ZNF326: variants seen among roughly 807,000 people sequenced by gnomAD.
The protein encoded by ZNF326 is DBIRD complex subunit ZNF326.
ZNF326 carries 30 observed loss-of-function variants against 63.1 expected under a neutral mutation model. The ratio of observed to expected loss-of-function variants is 0.48; its 90% CI spans 0.36 to 0.64. The LOEUF (loss-of-function observed/expected upper bound fraction) is 0.64, where lower values mean the gene tolerates loss of function less well. ZNF326 is among the 30% of genes least tolerant of loss of function. The pLI, the probability that ZNF326 is intolerant of heterozygous loss-of-function variation, is 0.00. For synonymous variants in ZNF326, 194 were observed against 228.2 expected (o/e 0.85, Z 1.35); for missense variants, 609 against 720.3 (o/e 0.85, Z 1.77).
Position 90,005,192 on chromosome 1 carries a change from C to G in ZNF326, c.157C>G (p.Leu53Val), listed in dbSNP as rs1648923362. Residue 53 changes from leucine to valine, a missense_variant, in exon 4 of 12, where the codon CTA becomes GTA. Physicochemically the swap from Leu to Val is conservative, Grantham distance 32. Coordinates refer to ENST00000340281, the MANE Select transcript of ZNF326 (RefSeq NM_182976.4). The stretch of plus-strand genomic sequence containing the variant: ...GGGTCAGAGATCCATGGATTCCTAC[C>G]TAAACCAGTCATATGGCATGGACAA... Reference protein sequence around the residue: ...YGGQRSMDSYLNQSYGMDNHS... With the variant: ...YGGQRSMDSYVNQSYGMDNHS... 1.9e-6 allele frequency: 3 copies of G among 1,613,972 alleles called. No individual in the cohort carries two copies. The highest frequency in any genetic ancestry group is 2.5e-6 in the Non-Finnish European group (3 of 1,179,964).
rs999694999 is a variant in ZNF326 at position 90,034,736 on chromosome 1, T to G, written c.*7035T>G. 1 of 152,170 alleles carries G rather than the reference T, an allele frequency of 6.6e-6. No individual in the cohort carries two copies. Among genetic ancestry groups the G allele is most frequent in the Non-Finnish European group, 1.5e-5 (1 of 68,008 alleles). 9.4% of individuals were successfully genotyped at this position (152,170 alleles called of 1,614,324 possible). A position where few individuals can be genotyped will look rare whatever the true frequency, so the allele number is the denominator to read the frequency against. On this transcript the variant is annotated 3_prime_UTR_variant, in exon 12 of 12. Coordinates refer to ENST00000340281, the MANE Select transcript of ZNF326 (RefSeq NM_182976.4). ...TTATTTTATTTAAGCAGTTCTAGAT[T>G]ATACAAAATGTTGAAACATCTCAAT... is the stretch of plus-strand genomic sequence containing the variant.
intron 4 of ZNF326, chr1:90,005,916 T>G: frequency 1.0e-6 from 1 of 985,452 alleles, no homozygotes; most frequent in Non-Finnish European, 1.2e-6. Context: ...CTGTTACTAC[T>G]GTATAAAGCT....
intron 2 of ZNF326, among the ~76,000 whole-genome samples, chr1:90,000,597 C>T (rs1648629317): frequency 6.6e-6 from 1 of 152,068 alleles, no homozygotes; most frequent in South Asian, 2.1e-4. Context: ...TCCAGTTACT[C>T]CAGAGGCTGA....
At position 90,030,441 on chromosome 1, in the gene ZNF326, A is replaced by C. The variant is rs1287532758; in HGVS notation, c.*2740A>C. The C allele has an allele frequency of 6.6e-6, 1 of 151,686 alleles. No individual in the cohort carries two copies. The highest frequency in any genetic ancestry group is 1.5e-5 in the Non-Finnish European group (1 of 67,984). 9.4% of individuals were successfully genotyped at this position (151,686 alleles called of 1,614,324 possible). On this transcript the variant is annotated 3_prime_UTR_variant, in exon 12 of 12. Coordinates refer to ENST00000340281, the MANE Select transcript of ZNF326 (RefSeq NM_182976.4). ...ATCATATACCATTCTTACCAGCCAT[A>C]ATGGCCTTTTGTTACTTTTTTGATG...
chr1:90,026,499 T>C (rs1650022938), intron 11 of ZNF326, among the ~76,000 whole-genome samples: 1 of 152,212 alleles, frequency 6.6e-6, no homozygotes. Flanking sequence ...TCTGAAGTTA[T>C]AATTATATAT....
At chr1:89,995,547 G>T (rs886454226) in intron 1 of ZNF326, among the ~76,000 whole-genome samples, 2 of 152,282 alleles carry the variant, frequency 1.3e-5, no homozygotes, top group African/African-American at 2.4e-5. Flanking sequence ...TGGAGCCCCA[G>T]ACTCGCCTTG....
At chr1:90,017,640 T>C (rs1649566457) in intron 8 of ZNF326, among the ~76,000 whole-genome samples, 176 bp downstream of exon 8, 1 of 152,232 alleles carries the variant, frequency 6.6e-6, no homozygotes, top group Admixed American at 6.5e-5. Flanking sequence ...ATAATAGAAT[T>C]TGTATTTGTT....
intron 10 of ZNF326, among the ~76,000 whole-genome samples, chr1:90,021,493 T>C (rs1025972217): frequency 1.3e-5 from 2 of 152,148 alleles, no homozygotes; most frequent in Non-Finnish European, 2.9e-5. Flanking sequence ...TTACATTTTT[T>C]AGTAGAATAT....
intron 11 of ZNF326, among the ~76,000 whole-genome samples, chr1:90,023,281 G>A (rs1051161944): frequency 4.6e-5 from 7 of 152,158 alleles, no homozygotes; most frequent in African/African-American, 1.4e-4. Context: ...CTACACTGAA[G>A]AGAGCTGTTG....
chr1:89,995,315 CG>C lies in ZNF326; in HGVS notation c.16+46del, dbSNP rs761034028. On this transcript the variant is annotated intron_variant, in intron 1 of 11. Coordinates refer to ENST00000340281, the MANE Select transcript of ZNF326 (RefSeq NM_182976.4). ...GCTGGTCGGCGCAGCTGGCAGGAGG[CG>C]GGGTGGCCTACGCAGGGGGTCTGTT... The C allele has an allele frequency of 2.0e-6, 3 of 1,532,900 alleles. No homozygotes were observed. The South Asian group carries it at 3.6e-5, about 19-fold the overall frequency. 95.0% of individuals were successfully genotyped at this position (1,532,900 alleles called of 1,614,324 possible). A position where few individuals can be genotyped will look rare whatever the true frequency, so the allele number is the denominator to read the frequency against.
At position 90,031,368 on chromosome 1, in the gene ZNF326, G is replaced by T. The variant is rs1329882087; in HGVS notation, c.*3667G>T. 6.6e-6 allele frequency: 1 copy of T among 152,164 alleles called. No homozygotes were observed. The highest frequency in any genetic ancestry group is 2.4e-5 in the African/African-American group (1 of 41,442). The allele number at this position is 152,164 out of a possible 1,614,324, so 9.4% of individuals were successfully genotyped here. A position where few individuals can be genotyped will look rare whatever the true frequency, so the allele number is the denominator to read the frequency against. ...TTAAGAACTCTGTTTTTGTTGGCAA[G>T]ATTGTTCTTATTGTAGAAGTGGATA... is the stretch of plus-strand genomic sequence containing the variant. On this transcript the variant is annotated 3_prime_UTR_variant, in exon 12 of 12. Transcript: ENST00000340281.
chr1:90,024,622 AT>A (rs1649926515), intron 11 of ZNF326, among the ~76,000 whole-genome samples: 4 of 151,972 alleles, frequency 2.6e-5, no homozygotes, highest in Non-Finnish European at 5.9e-5. Flanking sequence ...TTTCTTATAT[AT>A]ATATATTTTA....
At chr1:89,999,895 G>A (rs1402894208) in intron 2 of ZNF326, among the ~76,000 whole-genome samples, 1 of 152,192 alleles carries the variant, frequency 6.6e-6, no homozygotes, top group Non-Finnish European at 1.5e-5. Flanking sequence ...AAATATTCCT[G>A]CCTTTGTGAG....
At chr1:90,014,598 G>GT (rs1400104857) in intron 7 of ZNF326, among the ~76,000 whole-genome samples, 2 of 152,300 alleles carry the variant, frequency 1.3e-5, no homozygotes, top group Non-Finnish European at 2.9e-5. Context: ...CAATTTAGCA[G>GT]TTTTTTAAAA....
In ZNF326 at chr1:90,030,633, C is replaced by T. The variant is rs1281568860; in HGVS notation, c.*2932C>T. The T allele has an allele frequency of 1.3e-5, 2 of 151,338 alleles. No homozygotes were observed. The highest frequency in any genetic ancestry group is 4.9e-5 in the African/African-American group (2 of 41,226). The allele number at this position is 151,338 out of a possible 1,614,324, so 9.4% of individuals were successfully genotyped here. ...TTTGGGGGTACCAACCTAGATTTTA[C>T]TAGAGCATATTCTTTGGAGGTGTTC... On this transcript the variant is annotated 3_prime_UTR_variant, in exon 12 of 12. Transcript: ENST00000340281.
Position 90,020,774 on chromosome 1 carries a change from ATTG to A in ZNF326, c.1175-17_1175-15del. ...TAACATATGAATTATTTCTTTAATA[ATTG>A]GATGTCTTTTGTAGGTGTTACTGTA... On this transcript the variant is annotated splice_polypyrimidine_tract_variant and intron_variant, in intron 9 of 11. Coordinates refer to ENST00000340281, the MANE Select transcript of ZNF326 (RefSeq NM_182976.4). The A allele has an allele frequency of 6.3e-7, 1 of 1,589,920 alleles. No individual in the cohort carries two copies. The highest frequency in any genetic ancestry group is 8.5e-7 in the Non-Finnish European group (1 of 1,169,864).
In ZNF326 at chr1:90,032,821, A is replaced by G. The variant is rs542602293; in HGVS notation, c.*5120A>G. On this transcript the variant is annotated 3_prime_UTR_variant, in exon 12 of 12. Transcript: ENST00000340281. The stretch of plus-strand genomic sequence containing the variant: ...GCTGTAACACAATTTGATGTTTGCC[A>G]AATAAGGTGAGACTCACAGAGTATA... 3.3e-5 allele frequency: 5 copies of G among 152,362 alleles called. No individual in the cohort carries two copies. In the East Asian group the frequency reaches 9.6e-4, roughly 29 times the overall value. The allele number at this position is 152,362 out of a possible 1,614,324, so 9.4% of individuals were successfully genotyped here.
At chr1:90,001,000 G>A (rs972844000) in intron 2 of ZNF326, among the ~76,000 whole-genome samples, 1 of 152,130 alleles carries the variant, frequency 6.6e-6, no homozygotes, top group African/African-American at 2.4e-5. Context: ...TGATAATGAA[G>A]TTAAGAGGTG....
At chr1:90,016,758 A>G (rs1649522808) in intron 7 of ZNF326, among the ~76,000 whole-genome samples, 1 of 152,092 alleles carries the variant, frequency 6.6e-6, no homozygotes, top group East Asian at 1.9e-4. Context: ...AGAAGCAATT[A>G]GGTGGGACTG....
Sources: allele counts gnomAD v4.1 joint callset (sites outside exome capture counted in the v4.1 genomes callset), GRCh38; gene constraint gnomAD v4.1.1; transcripts MANE v1.5; gene names NCBI Gene and HGNC (gene_info 2026-07-23, HGNC 2026-07-21).